The following MSH3 variants were observed in gnomAD, a reference collection of about 807,000 sequenced individuals.
MSH3 encodes the protein mutS homolog 3.
Under a neutral mutation model 123.3 loss-of-function variants are expected in MSH3, and 106 were observed. The ratio of observed to expected loss-of-function variants is 0.86; its 90% CI spans 0.73 to 1.01. The LOEUF (loss-of-function observed/expected upper bound fraction) is 1.01. Ranked by LOEUF, MSH3 falls within the 50% of genes least tolerant of loss-of-function variation. The pLI, the probability that MSH3 is intolerant of heterozygous loss-of-function variation, is 0.00. For synonymous variants in MSH3, 515 were observed against 481.4 expected (o/e 1.07, Z -0.91); for missense variants, 1,459 against 1,347.6 (o/e 1.08, Z -1.29).
chr5:80,835,084 C>A (rs926096531), intron 20 of MSH3, among the ~76,000 whole-genome samples: 3 of 152,156 alleles, frequency 2.0e-5, no homozygotes, highest in Non-Finnish European at 4.4e-5. Context: ...AAGAATGTGC[C>A]ATCAGACAAG....
intron 8 of MSH3, among the ~76,000 whole-genome samples, chr5:80,692,453 T>G (rs1242893289): frequency 0.053 from 2,068 of 38,728 alleles, 138 homozygotes; most frequent in Middle Eastern, 0.12. Flanking sequence ...TATGTTTAGA[T>G]AGATAAACAT....
chr5:80,795,332 A>G (rs1296409750), intron 19 of MSH3, among the ~76,000 whole-genome samples: 1 of 152,198 alleles, frequency 6.6e-6, no homozygotes, highest in Non-Finnish European at 1.5e-5. Context: ...GTAACAAAAT[A>G]TCATAGACTG....
intron 8 of MSH3, among the ~76,000 whole-genome samples, chr5:80,706,725 T>C (rs1750732068): frequency 6.6e-6 from 1 of 152,202 alleles, no homozygotes; most frequent in South Asian, 2.1e-4. Flanking sequence ...GCTGAGTAAA[T>C]ACCAGAATTA....
intron 2 of MSH3, among the ~76,000 whole-genome samples, chr5:80,659,034 G>C (rs1749362945): frequency 1.3e-5 from 2 of 152,168 alleles, no homozygotes; most frequent in Non-Finnish European, 2.9e-5. Flanking sequence ...AGGAGTTCGA[G>C]ACCAGCCTGG....
At chr5:80,849,630 C>T (rs1745794293) in intron 20 of MSH3, among the ~76,000 whole-genome samples, 1 of 152,164 alleles carries the variant, frequency 6.6e-6, no homozygotes. Context: ...TGAGCTGTAC[C>T]TTGGCCCCTT....
chr5:80,737,752 A>G (rs1464933973), intron 10 of MSH3, among the ~76,000 whole-genome samples: 4 of 152,228 alleles, frequency 2.6e-5, no homozygotes, highest in Admixed American at 2.0e-4. Context: ...CTCCAACTCC[A>G]GAATACGTAT....
chr5:80,654,733 T>C lies in MSH3; in HGVS notation c.6T>C (p.Ser2=). 6.3e-7 allele frequency: 1 copy of C among 1,599,518 alleles called. No individual in the cohort carries two copies. Among genetic ancestry groups the C allele is most frequent in the Non-Finnish European group, 8.5e-7 (1 of 1,175,042 alleles). Residue 2 remains serine (S), a synonymous_variant, in exon 1 of 24, where the codon TCT becomes TCC. Coordinates refer to ENST00000265081, the MANE Select transcript of MSH3 (RefSeq NM_002439.5). M[S]RRKPASGGLA... ...GCTGCCATCCTTGCCCTGCCATGTC[T>C]CGCCGGAAGCCTGCGTCGGGCGGCC...
intron 20 of MSH3, among the ~76,000 whole-genome samples, chr5:80,815,696 T>C (rs1745092478): frequency 1.3e-5 from 2 of 152,180 alleles, no homozygotes; most frequent in African/African-American, 4.8e-5. Context: ...AAAAATTTTT[T>C]TAGGACATAG....
chr5:80,779,181 C>T (rs993238508), intron 17 of MSH3, among the ~76,000 whole-genome samples: 10 of 151,722 alleles, frequency 6.6e-5, no homozygotes, highest in Admixed American at 2.6e-4. Flanking sequence ...TTAGTAGAGA[C>T]GGGATTTCGC....
At chr5:80,759,340 T>G (rs1368105117) in intron 12 of MSH3, among the ~76,000 whole-genome samples, 2 of 152,180 alleles carry the variant, frequency 1.3e-5, no homozygotes, top group Non-Finnish European at 2.9e-5. Context: ...TAGAAAGGCC[T>G]TTCAGAGGAA....
rs545479460 is a variant in MSH3 at position 80,858,540 on chromosome 5, C to T, written c.3000+4224C>T. On this transcript the variant is annotated intron_variant, in intron 21 of 23. Transcript: ENST00000265081. ...TTCCAGTTACCTTTTTGTTATGATT[C>T]CTAGTTTAATTCCATTGTGGTATGA... 7.9e-5 allele frequency among the ~76,000 whole-genome samples: 12 copies of T among 152,028 alleles called. No individual in the cohort carries two copies. The South Asian group carries it at 2.5e-3, about 32-fold the overall frequency.
intron 8 of MSH3, among the ~76,000 whole-genome samples, chr5:80,697,874 A>G (rs1309943315): frequency 6.6e-6 from 1 of 152,146 alleles, no homozygotes; most frequent in East Asian, 1.9e-4. Flanking sequence ...GGATACCAGG[A>G]AATTCTAATT....
chr5:80,678,829 AGT>A (rs1749899067), intron 7 of MSH3, 96 bp from the exon 8 acceptor site: 5 of 1,336,048 alleles, frequency 3.7e-6, no homozygotes, highest in Non-Finnish European at 5.3e-6. Context: ...CATACTCCTG[AGT>A]GTATCATCTT....
chr5:80,788,427 TGA>T (rs1211632711), intron 18 of MSH3, among the ~76,000 whole-genome samples: 1 of 151,116 alleles, frequency 6.6e-6, no homozygotes, highest in Non-Finnish European at 1.5e-5. Context: ...GGCAAGAGAG[TGA>T]GACTCTGTCT....
intron 19 of MSH3, among the ~76,000 whole-genome samples, chr5:80,794,311 G>C (rs1744660566): frequency 6.6e-6 from 1 of 152,218 alleles, no homozygotes; most frequent in Non-Finnish European, 1.5e-5. Flanking sequence ...TGGGGCTGGG[G>C]TCATCCTAAG....
intron 8 of MSH3, among the ~76,000 whole-genome samples, chr5:80,724,377 TAATATATAATGAG>T (rs1743212835): frequency 8.5e-5 from 1 of 11,724 alleles, no homozygotes; most frequent in Non-Finnish European, 1.6e-4. Context: ...TATAATGTAG[TAATATATAATGAG>T]CATATATTAT....
At chr5:80,668,202 A>C (rs1749614319) in intron 3 of MSH3, among the ~76,000 whole-genome samples, 1 of 151,890 alleles carries the variant, frequency 6.6e-6, no homozygotes, top group Admixed American at 6.6e-5. Flanking sequence ...GAGTCTGGGG[A>C]TTTGTATGGG....
At chr5:80,674,586 T>G (rs2112815626) in intron 6 of MSH3, among the ~76,000 whole-genome samples, 1 of 152,290 alleles carries the variant, frequency 6.6e-6, no homozygotes, top group South Asian at 2.1e-4. Flanking sequence ...AGTAAGATAC[T>G]GGTTATCTGT....
At chr5:80,842,120 A>T (rs1442878995) in intron 20 of MSH3, among the ~76,000 whole-genome samples, 1 of 152,214 alleles carries the variant, frequency 6.6e-6, no homozygotes, top group South Asian at 2.1e-4. Context: ...AGCTTTCTAC[A>T]TATGGCTAGC....
Sources: gnomAD v4.1 joint callset for allele counts (sites outside exome capture counted in the v4.1 genomes callset) on GRCh38, gnomAD v4.1.1 for gene constraint, MANE v1.5 for transcripts, NCBI Gene and HGNC (gene_info 2026-07-23, HGNC 2026-07-21) for gene names.